The following CLEC4A variants were observed in gnomAD, a reference collection of about 807,000 sequenced individuals.
CLEC4A encodes the protein C-type (calcium dependent, carbohydrate-recognition domain) lectin, superfamily member 6.
Under a neutral mutation model 32.7 loss-of-function variants are expected in CLEC4A, and 27 were observed. The ratio of observed to expected loss-of-function variants is 0.83; its 90% CI spans 0.61 to 1.14. The LOEUF (loss-of-function observed/expected upper bound fraction) is 1.14. Ranked by LOEUF, CLEC4A falls within the 50% of genes most tolerant of loss-of-function variation. CLEC4A has a pLI of 0.00. For synonymous variants in CLEC4A, 89 were observed against 93.7 expected, an observed-to-expected ratio of 0.95 and a Z score of 0.29; for missense variants, 253 against 274.6, an observed-to-expected ratio of 0.92 and a Z score of 0.55.
At chr12:8,137,466 T>G (rs1244162542) in intron 5 of CLEC4A, among the ~76,000 whole-genome samples, 1 of 152,158 alleles carries the variant, frequency 6.6e-6, no homozygotes, top group East Asian at 1.9e-4. Context: ...TAATGCTTCT[T>G]ATGAAGCAAA....
intron 2 of CLEC4A, among the ~76,000 whole-genome samples, chr12:8,128,651 C>T (rs1947941547): frequency 6.6e-6 from 1 of 152,130 alleles, no homozygotes. Flanking sequence ...CCTGCCTCGA[C>T]CTCCCAAAGT....
chr12:8,123,873 C>G lies in CLEC4A; in HGVS notation c.-6C>G. 6.2e-7 allele frequency: 1 copy of G among 1,600,946 alleles called. No individual in the cohort carries two copies. Among genetic ancestry groups the G allele is most frequent in the Non-Finnish European group, 8.6e-7 (1 of 1,168,004 alleles). On this transcript the variant is annotated 5_prime_UTR_variant, in exon 1 of 6. Transcript: ENST00000229332. ...TTCTGAAGAAAGCAGAAGCTCTCTT[C>G]CCATTATGACTTCGGAAATCACTTA...
chr12:8,108,020 T>C, the CLEC4A span, among the ~76,000 whole-genome samples: 2 of 152,208 alleles, frequency 1.3e-5, no homozygotes, highest in African/African-American at 4.8e-5. Context: ...GATGTGGGCA[T>C]GTAGCACTAT....
Position 8,137,095 on chromosome 12 carries a change from T to C in CLEC4A, c.566+192T>C, listed in dbSNP as rs189836326. 1.0e-3 allele frequency among the ~76,000 whole-genome samples: 155 copies of C among 152,294 alleles called. 1 individual carries two copies. Among genetic ancestry groups the C allele is most frequent in the African/African-American group, 3.4e-3 (142 of 41,554 alleles). On this transcript the variant is annotated intron_variant, in intron 5 of 5. Coordinates refer to ENST00000229332, the MANE Select transcript of CLEC4A (RefSeq NM_016184.4). Reference sequence around the variant, plus strand: ...AGGCACACATTGTTATTTTTCCCACTGTAGATATGAGGAAATTGAGCTTGG... The same window carrying C: ...AGGCACACATTGTTATTTTTCCCACCGTAGATATGAGGAAATTGAGCTTGG...
Position 8,135,874 on chromosome 12 carries a change from C to T in CLEC4A, c.450+138C>T, listed in dbSNP as rs763191846. Reference sequence around the variant, plus strand: ...TTCAATAAAATAGGTAGAAAGGGCTCCTAAGCCTTTATATTCCATACCTCC... The same window carrying T: ...TTCAATAAAATAGGTAGAAAGGGCTTCTAAGCCTTTATATTCCATACCTCC... On this transcript the variant is annotated intron_variant, in intron 4 of 5. Transcript: ENST00000229332. 4.4e-5 allele frequency: 35 copies of T among 795,402 alleles called. No individual in the cohort carries two copies. In the African/African-American group the frequency reaches 4.8e-4, roughly 11 times the overall value. 49.3% of individuals were successfully genotyped at this position (795,402 alleles called of 1,614,324 possible).
At chr12:8,117,280 G>A in the CLEC4A span, among the ~76,000 whole-genome samples, 23 of 150,284 alleles carry the variant, frequency 1.5e-4, no homozygotes, top group African/African-American at 4.7e-4. Flanking sequence ...TCTCTGTTGC[G>A]CAGGCTGGAG....
At chr12:8,134,641 C>T (rs759067939) in intron 3 of CLEC4A, 5 of 1,606,752 alleles carry the variant, frequency 3.1e-6, no homozygotes, top group Non-Finnish European at 4.2e-6. Context: ...GCCATCCCCC[C>T]GCAGAACTCA....
the CLEC4A span, among the ~76,000 whole-genome samples, chr12:8,113,936 G>T: frequency 6.6e-6 from 1 of 152,174 alleles, no homozygotes; most frequent in Non-Finnish European, 1.5e-5. Flanking sequence ...TTGGATCAGG[G>T]TTTCCTCATG....
At chr12:8,113,575 G>T in the CLEC4A span, among the ~76,000 whole-genome samples, 25 of 152,284 alleles carry the variant, frequency 1.6e-4, no homozygotes, top group African/African-American at 6.0e-4. Context: ...GCAGCCATCT[G>T]CAGGTACAAA....
chr12:8,134,972 C>CTTTTTTTTTTTTTTT, intron 3 of CLEC4A: 1 of 191,274 alleles, frequency 5.2e-6, no homozygotes, highest in Non-Finnish European at 7.3e-6. Context: ...CTTGTTGAAG[C>CTTTTTTTTTTTTTTT]GTTTTTGTTT....
Position 8,123,656 on chromosome 12 carries a change from T to A in CLEC4A, c.-223T>A. The A allele has an allele frequency of 2.0e-6, 1 of 510,264 alleles. No individual in the cohort carries two copies. The highest frequency in any genetic ancestry group is 2.5e-5 in the South Asian group (1 of 40,516). The allele number at this position is 510,264 out of a possible 1,614,324, so 31.6% of individuals were successfully genotyped here. On this transcript the variant is annotated 5_prime_UTR_variant, in exon 1 of 6. Coordinates refer to ENST00000229332, the MANE Select transcript of CLEC4A (RefSeq NM_016184.4). ...GCTGTGATTCTCACTATACTGGTCC[T>A]GAGGAAAGGGCTTCTGTGAACTGCG...
intron 2 of CLEC4A, among the ~76,000 whole-genome samples, chr12:8,126,269 A>G (rs1947900219): frequency 6.6e-6 from 1 of 152,044 alleles, no homozygotes; most frequent in South Asian, 2.1e-4. Context: ...CATTGGTGCA[A>G]TCTTGGCTCA....
At chr12:8,134,811 G>C in intron 3 of CLEC4A, 1 of 1,552,342 alleles carries the variant, frequency 6.4e-7, no homozygotes, top group East Asian at 2.4e-5. Flanking sequence ...ACCGCCTGGA[G>C]GGGGTGAGAA....
intron 5 of CLEC4A, among the ~76,000 whole-genome samples, chr12:8,137,640 CTA>C (rs1278861016): frequency 6.6e-6 from 1 of 152,124 alleles, no homozygotes; most frequent in African/African-American, 2.4e-5. Flanking sequence ...TGATATTACT[CTA>C]GTCCTTATTT....
chr12:8,117,125 T>A, the CLEC4A span, among the ~76,000 whole-genome samples: 1 of 152,320 alleles, frequency 6.6e-6, no homozygotes, highest in South Asian at 2.1e-4. Context: ...GAATTTAGGA[T>A]ATATTGAGTT....
chr12:8,103,373 G>GTTTTTTTTTTTT, the CLEC4A span, among the ~76,000 whole-genome samples: 90 of 77,984 alleles, frequency 1.2e-3, 12 homozygotes, highest in African/African-American at 1.4e-3. Flanking sequence ...GTTTCTTTCT[G>GTTTTTTTTTTTT]TTGTTTTTTT....
the CLEC4A span, among the ~76,000 whole-genome samples, chr12:8,111,163 C>T: frequency 5.4e-5 from 8 of 148,282 alleles, no homozygotes; most frequent in South Asian, 2.2e-4. Context: ...TGAGCCACCG[C>T]GCCTGGCCCA....
the CLEC4A span, among the ~76,000 whole-genome samples, chr12:8,111,127 C>T: frequency 8.6e-5 from 13 of 151,906 alleles, no homozygotes; most frequent in Admixed American, 7.2e-4. Context: ...CTGCCTCAGC[C>T]TCCCAAAGGG....
upstream of CLEC4A, among the ~76,000 whole-genome samples, chr12:8,122,448 A>T (rs1947840958): frequency 1.9e-5 from 2 of 106,400 alleles, no homozygotes; most frequent in Admixed American, 1.1e-4. Context: ...GGTGAGGGGG[A>T]TGTTTGTTGG....
Sources: allele counts gnomAD v4.1 joint callset (sites outside exome capture counted in the v4.1 genomes callset), GRCh38; gene constraint gnomAD v4.1.1; transcripts MANE v1.5; gene names NCBI Gene and HGNC (gene_info 2026-07-23, HGNC 2026-07-21).